BRINP1: variants seen among roughly 807,000 people sequenced by gnomAD.
BRINP1 encodes the protein BMP/retinoic acid-inducible neural-specific protein 1.
In BRINP1, 17 loss-of-function variants were observed where a neutral mutation model predicts 72.9. The ratio of observed to expected loss-of-function variants is 0.23; its 90% CI spans 0.16 to 0.35. The LOEUF is 0.35. Ranked by LOEUF, BRINP1 falls within the 10% of genes least tolerant of loss-of-function variation. BRINP1 has a pLI of 1.00. For synonymous variants in BRINP1, 418 were observed against 378.5 expected (o/e 1.10, Z -1.21); for missense variants, 850 against 1,001.6 (o/e 0.85, Z 2.04).
intron 1 of BRINP1, among the ~76,000 whole-genome samples, chr9:119,358,099 A>G (rs539466708): frequency 5.3e-4 from 81 of 152,304 alleles, no homozygotes; most frequent in African/African-American, 1.9e-3. Context: ...ACAATTTCAG[A>G]GTGTTACTGT....
chr9:119,314,460 G>A (rs563157494), intron 1 of BRINP1, among the ~76,000 whole-genome samples: 1 of 152,252 alleles, frequency 6.6e-6, no homozygotes, highest in South Asian at 2.1e-4. Flanking sequence ...CCGCCTCCAG[G>A]GTTCAAGTGA....
chr9:119,262,970 C>T (rs1309355485), intron 2 of BRINP1, among the ~76,000 whole-genome samples: 1 of 152,016 alleles, frequency 6.6e-6, no homozygotes, highest in African/African-American at 2.4e-5. Flanking sequence ...GTACATTTTG[C>T]CGGAGGAAGT....
chr9:119,247,527 C>T (rs10984454), intron 3 of BRINP1, among the ~76,000 whole-genome samples: 1,945 of 151,994 alleles, frequency 0.013, 58 homozygotes, highest in African/African-American at 0.045. Flanking sequence ...TGGTGGTGGG[C>T]GCCTGTAGTC....
chr9:119,213,910 A>G lies in BRINP1; in HGVS notation c.922+9T>C. The G allele has an allele frequency of 6.2e-7, 1 of 1,610,436 alleles. No homozygotes were observed. Among genetic ancestry groups the G allele is most frequent in the South Asian group, 1.1e-5 (1 of 90,970 alleles). On this transcript the variant is annotated intron_variant, in intron 6 of 7. Coordinates refer to ENST00000265922, the MANE Select transcript of BRINP1 (RefSeq NM_014618.3). The stretch of plus-strand genomic sequence containing the variant: ...CACTCATGCAGTGGCACTGAGTGAG[A>G]CTCTCTACCTGAATTCTCCAGGTCC...
chr9:119,276,997 C>T (rs1164252019), intron 2 of BRINP1, among the ~76,000 whole-genome samples: 1 of 152,172 alleles, frequency 6.6e-6, no homozygotes, highest in African/African-American at 2.4e-5. Context: ...GCCTTGGAAA[C>T]CACTATTCTG....
intron 5 of BRINP1, 133 bp downstream of exon 5, chr9:119,238,522 C>T: frequency 1.8e-6 from 1 of 563,732 alleles, no homozygotes; most frequent in South Asian, 2.7e-5. Context: ...TCCATATTTG[C>T]AGTTTTCATT....
rs1829316947 is a variant in BRINP1 at position 119,166,733 on chromosome 9, G to GTGTT, written c.*347_*350dup. On this transcript the variant is annotated 3_prime_UTR_variant, in exon 8 of 8. Transcript: ENST00000265922. Reference sequence around the variant, plus strand: ...TTACATATATCTCTCTTTCTTTTTAGTGTTTAATCTTAGCACCTGCACAGC... The same window carrying GTGTT: ...TTACATATATCTCTCTTTCTTTTTAGTGTTTGTTTAATCTTAGCACCTGCACAGC... 1 of 184,616 alleles carries GTGTT rather than the reference G, an allele frequency of 5.4e-6. No homozygotes were observed. Among genetic ancestry groups the GTGTT allele is most frequent in the East Asian group, 1.5e-4 (1 of 6,576 alleles). The allele number at this position is 184,616 out of a possible 1,614,324, so 11.4% of individuals were successfully genotyped here. A position where few individuals can be genotyped will look rare whatever the true frequency, so the allele number is the denominator to read the frequency against.
intron 7 of BRINP1, among the ~76,000 whole-genome samples, chr9:119,170,024 A>T (rs1303393565): frequency 6.6e-6 from 1 of 152,188 alleles, no homozygotes; most frequent in Non-Finnish European, 1.5e-5. Flanking sequence ...AACCACAAAG[A>T]TGGGGAAAAA....
chr9:119,214,918 G>A lies in BRINP1; in HGVS notation c.686-763C>T, dbSNP rs529158670. Among the ~76,000 whole-genome samples, 132 of 152,268 alleles carry A rather than the reference G, an allele frequency of 8.7e-4. 4 individuals carry two copies. In the South Asian group the frequency reaches 0.027, roughly 31 times the overall value. ...TGAACTTGGATGAATGGAGGTGCTC[G>A]TGCTGTAGAAAATAGCTGTAGAGAG... On this transcript the variant is annotated intron_variant, in intron 5 of 7. Transcript: ENST00000265922.
intron 7 of BRINP1, among the ~76,000 whole-genome samples, chr9:119,180,995 G>A (rs764049721): frequency 3.3e-5 from 5 of 152,174 alleles, no homozygotes; most frequent in Admixed American, 6.5e-5. Flanking sequence ...GGAGGATTAC[G>A]AAACAATTTT....
chr9:119,367,993 G>C (rs1354614315), intron 1 of BRINP1, among the ~76,000 whole-genome samples: 1 of 152,190 alleles, frequency 6.6e-6, no homozygotes, highest in Non-Finnish European at 1.5e-5. Flanking sequence ...TCTGTCTTAG[G>C]AAAGTGCCCC....
intron 2 of BRINP1, among the ~76,000 whole-genome samples, chr9:119,308,973 G>GA (rs34551014): frequency 0.018 from 2,602 of 146,470 alleles, 62 homozygotes; most frequent in African/African-American, 0.053. Context: ...TCACAGTTAG[G>GA]AAAAAAAAAA....
intron 7 of BRINP1, among the ~76,000 whole-genome samples, chr9:119,200,714 A>T (rs1021117749): frequency 6.6e-6 from 1 of 152,010 alleles, no homozygotes; most frequent in Non-Finnish European, 1.5e-5. Flanking sequence ...GTTCAATTGG[A>T]AAATTAGAAT....
rs190469826 is a variant in BRINP1 at position 119,317,276 on chromosome 9, G to A, written c.-50-3871C>T. Among the ~76,000 whole-genome samples, 7 of 152,202 alleles carry A rather than the reference G, an allele frequency of 4.6e-5. No homozygotes were observed. In the East Asian group the frequency reaches 1.4e-3, roughly 29 times the overall value. ...GAAGTCAAAATATCAACGGTAACAG[G>A]AGTTTGGAAGAAGTTGATTTCAAAC... On this transcript the variant is annotated intron_variant, in intron 1 of 7. Coordinates refer to ENST00000265922, the MANE Select transcript of BRINP1 (RefSeq NM_014618.3).
rs775872027 is a variant in BRINP1 at position 119,292,786 on chromosome 9, A to T, written c.218+20352T>A. Among the ~76,000 whole-genome samples the T allele has an allele frequency of 2.0e-5, 3 of 152,210 alleles. No individual in the cohort carries two copies. In the South Asian group the frequency reaches 6.2e-4, roughly 32 times the overall value. On this transcript the variant is annotated intron_variant, in intron 2 of 7. Transcript: ENST00000265922. ...AGGTCTGCAAGATGTACACTCAATG[A>T]TGAGGGTTTTTTGTTGCTGTTATTG...
chr9:119,296,941 T>A (rs1830886368), intron 2 of BRINP1, among the ~76,000 whole-genome samples: 1 of 152,178 alleles, frequency 6.6e-6, no homozygotes, highest in Admixed American at 6.5e-5. Context: ...GGAGAGCTAA[T>A]ATACAGCATG....
At chr9:119,333,454 C>T (rs1179079628) in intron 1 of BRINP1, among the ~76,000 whole-genome samples, 1 of 136,624 alleles carries the variant, frequency 7.3e-6, no homozygotes, top group African/African-American at 2.8e-5. Context: ...CAGAGTGAGA[C>T]CTTGTTTCAA....
At chr9:119,296,699 C>G (rs1830882605) in intron 2 of BRINP1, among the ~76,000 whole-genome samples, 1 of 152,144 alleles carries the variant, frequency 6.6e-6, no homozygotes, top group South Asian at 2.1e-4. Context: ...AGAAAGAAAT[C>G]CTGCCATTTG....
intron 7 of BRINP1, among the ~76,000 whole-genome samples, chr9:119,184,390 G>A (rs573547275): frequency 2.0e-5 from 3 of 152,086 alleles, no homozygotes; most frequent in Non-Finnish European, 4.4e-5. Context: ...AAGTTCCGAA[G>A]ATATTCTCAG....
Sources: allele counts gnomAD v4.1 joint callset (sites outside exome capture counted in the v4.1 genomes callset), GRCh38; gene constraint gnomAD v4.1.1; transcripts MANE v1.5; gene names NCBI Gene and HGNC (gene_info 2026-07-23, HGNC 2026-07-21).